The following SAMD5 variants were observed in gnomAD, a reference collection of about 807,000 sequenced individuals.
The protein encoded by SAMD5 is sterile alpha motif domain-containing protein 5.
SAMD5 carries 13 observed loss-of-function variants against 11.3 expected under a neutral mutation model. That is an observed-to-expected ratio of 1.15 (90% CI 0.75 to 1.83). The LOEUF (loss-of-function observed/expected upper bound fraction) is 1.83. Among genes scored for constraint, SAMD5 ranks in the 40% most tolerant of loss-of-function variants. The pLI, the probability that SAMD5 is intolerant of heterozygous loss-of-function variation, is 0.00. For missense variants in SAMD5, 255 were observed against 239.1 expected (o/e 1.07, Z -0.44); for synonymous variants, 129 against 111.3 (o/e 1.16, Z -1.00).
chr6:147,529,271 C>T (rs537016386), intron 1 of SAMD5, among the ~76,000 whole-genome samples: 1 of 152,184 alleles, frequency 6.6e-6, no homozygotes. Context: ...CATAGGTTGG[C>T]AATCATGTTT....
chr6:147,624,378 C>A (rs1346123235), intron 1 of SAMD5, among the ~76,000 whole-genome samples: 2 of 151,950 alleles, frequency 1.3e-5, no homozygotes, highest in Admixed American at 1.3e-4. Flanking sequence ...CCACAGGAAG[C>A]AAGGCTCAGC....
At chr6:147,825,392 A>G in the SAMD5 span, among the ~76,000 whole-genome samples, 1 of 152,326 alleles carries the variant, frequency 6.6e-6, no homozygotes, top group South Asian at 2.1e-4. Context: ...TCTAAAATAT[A>G]TTATTATAAT....
Position 147,566,950 on chromosome 6 carries a change from T to C in SAMD5, c.*2494T>C. 1 of 866,034 alleles carries C rather than the reference T, an allele frequency of 1.2e-6. No individual in the cohort carries two copies. The highest frequency in any genetic ancestry group is 1.4e-6 in the Non-Finnish European group (1 of 721,552). 53.6% of individuals were successfully genotyped at this position (866,034 alleles called of 1,614,324 possible). A position where few individuals can be genotyped will look rare whatever the true frequency, so the allele number is the denominator to read the frequency against. Reference sequence around the variant, plus strand: ...CTGTATCTAAACACCAATAATATACTTAATTTTTGAATATAAAAGAAGTAG... The same window carrying C: ...CTGTATCTAAACACCAATAATATACCTAATTTTTGAATATAAAAGAAGTAG... On this transcript the variant is annotated 3_prime_UTR_variant, in exon 2 of 2. Coordinates refer to ENST00000367474, the MANE Select transcript of SAMD5 (RefSeq NM_001030060.3).
intron 1 of SAMD5, among the ~76,000 whole-genome samples, chr6:147,546,057 A>C (rs530198475): frequency 3.3e-5 from 5 of 152,288 alleles, no homozygotes; most frequent in African/African-American, 9.6e-5. Context: ...CCAACCCCCA[A>C]ATTCGAAACC....
chr6:147,605,365 T>A (rs1789684276), intron 1 of SAMD5, among the ~76,000 whole-genome samples: 1 of 152,212 alleles, frequency 6.6e-6, no homozygotes, highest in South Asian at 2.1e-4. Context: ...TCCTCTCACC[T>A]TGGCCTCCCA....
the SAMD5 span, among the ~76,000 whole-genome samples, chr6:147,796,428 C>A: frequency 6.6e-6 from 1 of 152,062 alleles, no homozygotes; most frequent in Non-Finnish European, 1.5e-5. Flanking sequence ...TGATCTATAT[C>A]TCTGTTTTTG....
chr6:147,766,544 GT>G, the SAMD5 span, among the ~76,000 whole-genome samples: 1 of 152,274 alleles, frequency 6.6e-6, no homozygotes, highest in Admixed American at 6.5e-5. Flanking sequence ...GAGAAAAAGT[GT>G]TTTCAGCCAA....
At chr6:147,819,387 T>A in the SAMD5 span, among the ~76,000 whole-genome samples, 2 of 151,978 alleles carry the variant, frequency 1.3e-5, no homozygotes, top group Non-Finnish European at 2.9e-5. Context: ...GGGTACCAGG[T>A]TTTGACACAG....
chr6:147,537,783 C>A (rs1307481488), intron 1 of SAMD5, among the ~76,000 whole-genome samples: 1 of 151,320 alleles, frequency 6.6e-6, no homozygotes, highest in African/African-American at 2.4e-5. Flanking sequence ...AAAACCTTTT[C>A]TCTGATAGAG....
At chr6:147,726,127 T>C (rs1408124832) in intron 1 of SAMD5, among the ~76,000 whole-genome samples, 1 of 152,170 alleles carries the variant, frequency 6.6e-6, no homozygotes, top group South Asian at 2.1e-4. Context: ...TGCTAGAAAC[T>C]GCAAGAAATA....
chr6:147,536,784 C>A (rs550849505), intron 1 of SAMD5, among the ~76,000 whole-genome samples: 1 of 151,944 alleles, frequency 6.6e-6, no homozygotes, highest in African/African-American at 2.4e-5. Flanking sequence ...CAGAATTTTT[C>A]TATAATTTTG....
At chr6:147,926,694 CA>C in the SAMD5 span, among the ~76,000 whole-genome samples, 3 of 152,038 alleles carry the variant, frequency 2.0e-5, no homozygotes, top group Non-Finnish European at 4.4e-5. Flanking sequence ...TCCCATTTGC[CA>C]ATGTTTGCTT....
At chr6:147,772,645 C>T in the SAMD5 span, among the ~76,000 whole-genome samples, 690 of 152,260 alleles carry the variant, frequency 4.5e-3, 1 homozygote, top group Non-Finnish European at 7.1e-3. Flanking sequence ...GAGCCACCTT[C>T]TCTCTGGGTC....
the SAMD5 span, among the ~76,000 whole-genome samples, chr6:147,789,102 A>C: frequency 4.8e-5 from 4 of 84,086 alleles, no homozygotes; most frequent in African/African-American, 2.9e-4. Flanking sequence ...CAAACAAACA[A>C]AAAAAAAAAC....
the SAMD5 span, among the ~76,000 whole-genome samples, chr6:147,909,626 T>TTCTCTCTCTCTCTC: frequency 5.1e-5 from 3 of 59,254 alleles, no homozygotes; most frequent in Non-Finnish European, 6.3e-5. Context: ...CTTTCTTTCT[T>TTCTCTCTCTCTCTC]TCTTTCTCTT....
At chr6:147,647,872 A>T (rs1790428228) in intron 1 of SAMD5, among the ~76,000 whole-genome samples, 1 of 152,228 alleles carries the variant, frequency 6.6e-6, no homozygotes, top group Non-Finnish European at 1.5e-5. Context: ...TCAGTAAAAG[A>T]TAATGCCTCT....
the SAMD5 span, among the ~76,000 whole-genome samples, chr6:147,793,986 C>T: frequency 6.6e-6 from 1 of 152,090 alleles, no homozygotes; most frequent in African/African-American, 2.4e-5. Context: ...TTATACCAGA[C>T]TCTAAATAAT....
At chr6:147,570,673 T>TTTAAATCAAATCAC (rs565430681), downstream of SAMD5, among the ~76,000 whole-genome samples, 13,722 of 151,904 alleles carry the variant, frequency 0.09, 1,163 homozygotes, top group African/African-American at 0.23. Flanking sequence ...AATCAAATCA[T>TTTAAATCAAATCAC]GTGCATGTTT....
At chr6:147,693,305 T>C (rs187353437) in intron 1 of SAMD5, among the ~76,000 whole-genome samples, 8 of 152,312 alleles carry the variant, frequency 5.3e-5, no homozygotes, top group African/African-American at 1.7e-4. Context: ...CGGTGAGGAA[T>C]GGGAGGTTGC....
Sources: allele counts gnomAD v4.1 joint callset (sites outside exome capture counted in the v4.1 genomes callset), GRCh38; gene constraint gnomAD v4.1.1; transcripts MANE v1.5; gene names NCBI Gene and HGNC (gene_info 2026-07-23, HGNC 2026-07-21).